Variants in TSPAN5 observed in about 807,000 individuals in gnomAD.
TSPAN5 encodes the protein tetraspanin 5.
A neutral mutation model predicts 37.1 loss-of-function variants in TSPAN5; 10 were observed. The ratio of observed to expected loss-of-function variants is 0.27; its 90% CI spans 0.17 to 0.46. TSPAN5 has a LOEUF of 0.46. Among genes scored for constraint, TSPAN5 ranks in the 20% least tolerant of loss-of-function variants. The pLI, the probability that TSPAN5 is intolerant of heterozygous loss-of-function variation, is 1.00. For missense variants in TSPAN5, 195 were observed against 326.6 expected, an observed-to-expected ratio of 0.60 and a Z score of 3.11; for synonymous variants, 110 against 118.9, an observed-to-expected ratio of 0.93 and a Z score of 0.48.
chr4:98,573,109 T>C (rs1755163359), intron 1 of TSPAN5, among the ~76,000 whole-genome samples: 1 of 152,248 alleles, frequency 6.6e-6, no homozygotes, highest in African/African-American at 2.4e-5. Flanking sequence ...TTATTAATGC[T>C]TGGCTTCTCA....
intron 1 of TSPAN5, among the ~76,000 whole-genome samples, chr4:98,635,366 T>C (rs1560568848): frequency 1.3e-5 from 2 of 152,274 alleles, no homozygotes; most frequent in South Asian, 2.1e-4. Flanking sequence ...CTGGGCCTGA[T>C]AGTACACCCT....
intron 1 of TSPAN5, among the ~76,000 whole-genome samples, chr4:98,577,751 A>C (rs1223767739): frequency 1.3e-5 from 2 of 152,204 alleles, no homozygotes; most frequent in Non-Finnish European, 2.9e-5. Context: ...CAGTTCTGCT[A>C]TTCACTGGCT....
At chr4:98,621,229 T>G (rs1756472580) in intron 1 of TSPAN5, among the ~76,000 whole-genome samples, 1 of 151,942 alleles carries the variant, frequency 6.6e-6, no homozygotes, top group African/African-American at 2.4e-5. Context: ...CCTACAACCA[T>G]CAGTAGAAAC....
At chr4:98,621,304 A>G (rs1756474208) in intron 1 of TSPAN5, among the ~76,000 whole-genome samples, 1 of 150,936 alleles carries the variant, frequency 6.6e-6, no homozygotes, top group African/African-American at 2.4e-5. Flanking sequence ...ACATTTCTGT[A>G]GTTTATGCCA....
intron 1 of TSPAN5, among the ~76,000 whole-genome samples, chr4:98,538,441 G>T (rs1276839929): frequency 6.6e-6 from 1 of 152,140 alleles, no homozygotes; most frequent in African/African-American, 2.4e-5. Context: ...GGATGGACAG[G>T]GACAGAGGCC....
chr4:98,479,845 C>G (rs951005779), intron 4 of TSPAN5, among the ~76,000 whole-genome samples: 12 of 152,192 alleles, frequency 7.9e-5, no homozygotes, highest in Non-Finnish European at 1.8e-4. Flanking sequence ...GAAGCACACA[C>G]TATATTGTAA....
intron 1 of TSPAN5, among the ~76,000 whole-genome samples, chr4:98,566,776 A>C (rs554980061): frequency 6.6e-6 from 1 of 152,350 alleles, no homozygotes; most frequent in East Asian, 1.9e-4. Flanking sequence ...TAGCAGGGAA[A>C]ACATGACGCA....
intron 1 of TSPAN5, chr4:98,574,850 C>T (rs1755199218): frequency 6.6e-6 from 1 of 152,268 alleles, no homozygotes; most frequent in Admixed American, 6.5e-5. Flanking sequence ...GTGAAGTCTG[C>T]TTTTTGTAAT....
At chr4:98,565,359 C>T (rs1160860444) in intron 1 of TSPAN5, among the ~76,000 whole-genome samples, 1 of 152,104 alleles carries the variant, frequency 6.6e-6, no homozygotes, top group African/African-American at 2.4e-5. Context: ...ATTTATCTGT[C>T]CATTTCCTAA....
chr4:98,581,545 T>C (rs189916520), intron 1 of TSPAN5, among the ~76,000 whole-genome samples: 2 of 152,342 alleles, frequency 1.3e-5, no homozygotes, highest in East Asian at 1.9e-4. Context: ...TGCAGGGTAT[T>C]AATTACTCTG....
intron 1 of TSPAN5, among the ~76,000 whole-genome samples, chr4:98,642,444 ATGTG>A (rs948683365): frequency 6.6e-6 from 1 of 152,122 alleles, no homozygotes; most frequent in African/African-American, 2.4e-5. Flanking sequence ...TTTTCTGCTT[ATGTG>A]TTAGTTTCTA....
chr4:98,637,283 C>T (rs1756876809), intron 1 of TSPAN5, among the ~76,000 whole-genome samples: 1 of 152,168 alleles, frequency 6.6e-6, no homozygotes, highest in Non-Finnish European at 1.5e-5. Context: ...TTGTGCAGTT[C>T]GCCTCCTGTG....
At chr4:98,589,206 C>G (rs1376459256) in intron 1 of TSPAN5, among the ~76,000 whole-genome samples, 3 of 152,204 alleles carry the variant, frequency 2.0e-5, no homozygotes, top group East Asian at 1.9e-4. Context: ...TAATGCCAGA[C>G]AGTTGTATTC....
chr4:98,592,757 G>C (rs1755679264), intron 1 of TSPAN5, among the ~76,000 whole-genome samples: 3 of 151,162 alleles, frequency 2.0e-5, no homozygotes, highest in African/African-American at 7.3e-5. Flanking sequence ...TCCCTACAAA[G>C]GATATGAACT....
intron 1 of TSPAN5, among the ~76,000 whole-genome samples, chr4:98,642,151 C>T (rs1031853038): frequency 2.0e-5 from 3 of 152,172 alleles, no homozygotes; most frequent in Admixed American, 6.5e-5. Context: ...GAATTCCAAC[C>T]TTCTGTTCTT....
At chr4:98,476,381 C>CT (rs764157156) in intron 6 of TSPAN5, 32 bp downstream of exon 6, 19 of 1,613,990 alleles carry the variant, frequency 1.2e-5, no homozygotes, top group African/African-American at 2.7e-5. Flanking sequence ...CAACACCCTT[C>CT]GTGCTAAGCA....
intron 2 of TSPAN5, among the ~76,000 whole-genome samples, chr4:98,507,452 A>G (rs577735614): frequency 6.6e-6 from 1 of 152,308 alleles, no homozygotes; most frequent in African/African-American, 2.4e-5. Context: ...TTCTCTGTTG[A>G]GCACGTGTAT....
intron 1 of TSPAN5, among the ~76,000 whole-genome samples, chr4:98,618,935 C>T (rs908864374): frequency 1.3e-5 from 2 of 152,124 alleles, no homozygotes; most frequent in Non-Finnish European, 2.9e-5. Flanking sequence ...CAAGGCTTTA[C>T]GTGCCTCTGT....
At chr4:98,518,184 C>A (rs1753776604) in intron 1 of TSPAN5, among the ~76,000 whole-genome samples, 1 of 151,510 alleles carries the variant, frequency 6.6e-6, no homozygotes, top group African/African-American at 2.4e-5. Context: ...GCGTGAGCCA[C>A]ACCACACCCA....
Sources: gnomAD v4.1 joint callset for allele counts (sites outside exome capture counted in the v4.1 genomes callset) on GRCh38, gnomAD v4.1.1 for gene constraint, MANE v1.5 for transcripts, NCBI Gene and HGNC (gene_info 2026-07-23, HGNC 2026-07-21) for gene names.